Variants in RPS6KA2 observed in about 807,000 individuals in gnomAD.
RPS6KA2 encodes ribosomal protein S6 kinase A2, also known as ribosomal protein S6 kinase alpha-2.
A neutral mutation model predicts 91.8 loss-of-function variants in RPS6KA2; 42 were observed. The observed-to-expected ratio is 0.46, with a 90% CI of 0.36 to 0.59. RPS6KA2 has a LOEUF of 0.59. RPS6KA2 is among the 20% of genes least tolerant of loss of function. The pLI is 0.00. For missense variants in RPS6KA2, 798 were observed against 978.5 expected, an observed-to-expected ratio of 0.82 and a Z score of 2.46; for synonymous variants, 414 against 393.6, an observed-to-expected ratio of 1.05 and a Z score of -0.61.
At chr6:166,702,688 A>C in intron 2 of RPS6KA2, 1 of 1,403,140 alleles carries the variant, frequency 7.1e-7, no homozygotes, top group Non-Finnish European at 1.0e-6. Context: ...AATGGCCTTG[A>C]GGGCCCAGAT....
intron 2 of RPS6KA2, among the ~76,000 whole-genome samples, chr6:166,683,684 A>G (rs187365400): frequency 4.1e-4 from 62 of 152,336 alleles, no homozygotes; most frequent in African/African-American, 1.4e-3. Context: ...AGGCGCAAAT[A>G]TGTCAGAGCA....
intron 2 of RPS6KA2, among the ~76,000 whole-genome samples, chr6:166,718,410 G>A (rs951932299): frequency 1.3e-5 from 2 of 152,134 alleles, no homozygotes; most frequent in Non-Finnish European, 2.9e-5. Flanking sequence ...AATCCATCAG[G>A]AAGGCAGAAA....
At chr6:166,768,101 T>G (rs558244079) in intron 2 of RPS6KA2, among the ~76,000 whole-genome samples, 83 of 152,246 alleles carry the variant, frequency 5.5e-4, no homozygotes, top group Non-Finnish European at 1.1e-3. Flanking sequence ...TGCAGCTCTA[T>G]AAAACAGGGC....
chr6:166,790,397 T>A (rs1779052468), intron 2 of RPS6KA2, among the ~76,000 whole-genome samples: 1 of 152,188 alleles, frequency 6.6e-6, no homozygotes, highest in Non-Finnish European at 1.5e-5. Flanking sequence ...TAGGTGTACC[T>A]GAAAGTGATG....
At chr6:166,531,926 T>C (rs1783291928) in intron 2 of RPS6KA2, among the ~76,000 whole-genome samples, 3 of 152,198 alleles carry the variant, frequency 2.0e-5, no homozygotes, top group Admixed American at 2.0e-4. Flanking sequence ...TTTAAATTTG[T>C]ATTAGTGATT....
intron 2 of RPS6KA2, among the ~76,000 whole-genome samples, chr6:166,846,468 C>G (rs1037650337): frequency 6.6e-6 from 1 of 152,144 alleles, no homozygotes; most frequent in Non-Finnish European, 1.5e-5. Flanking sequence ...CAACAAAATA[C>G]TAGCTAACTG....
chr6:166,853,943 AT>A lies in RPS6KA2; in HGVS notation c.123+4256del, dbSNP rs1455530431. ...AGGGCCTCGCCTGCTCACAGGAGTC[AT>A]TTTGCTTCTAGATTTTTCTTCCACG... On this transcript the variant is annotated intron_variant, in intron 2 of 21. Transcript: ENST00000503859. 1.1e-4 allele frequency among the ~76,000 whole-genome samples: 16 copies of A among 152,318 alleles called. No individual in the cohort carries two copies. The East Asian group carries it at 3.1e-3, about 29-fold the overall frequency.
intron 2 of RPS6KA2, among the ~76,000 whole-genome samples, chr6:166,845,746 C>G (rs1042867253): frequency 2.0e-5 from 3 of 151,694 alleles, no homozygotes; most frequent in African/African-American, 7.3e-5. Context: ...CATTAAATAT[C>G]TACATCAAAA....
rs540853274 is a variant in RPS6KA2, at chr6:166,708,972, T to C, written c.123+149228A>G. Among the ~76,000 whole-genome samples the C allele has an allele frequency of 1.5e-4, 23 of 152,278 alleles. No homozygotes were observed. In the South Asian group the frequency reaches 4.6e-3, roughly 30 times the overall value. ...AACTGGGAGAGATATGAAATAGAAG[T>C]GACACACCGCTCCGTGTTGATATTC... On this transcript the variant is annotated intron_variant, in intron 2 of 21. Coordinates refer to the RPS6KA2 transcript ENST00000503859.
At chr6:166,828,095 C>T (rs2128625429) in intron 2 of RPS6KA2, among the ~76,000 whole-genome samples, 1 of 152,338 alleles carries the variant, frequency 6.6e-6, no homozygotes. Context: ...AGTACAAACC[C>T]ATGGATGAGA....
chr6:166,735,300 G>A (rs1036877753), intron 2 of RPS6KA2, among the ~76,000 whole-genome samples: 2 of 152,144 alleles, frequency 1.3e-5, no homozygotes, highest in African/African-American at 4.8e-5. Flanking sequence ...GAAACAACGT[G>A]AACATCTATA....
intron 2 of RPS6KA2, among the ~76,000 whole-genome samples, chr6:166,725,474 C>G (rs908860250): frequency 6.6e-6 from 1 of 152,260 alleles, no homozygotes; most frequent in African/African-American, 2.4e-5. Context: ...GCCTCCTAGC[C>G]CAGCCCAGCC....
At chr6:166,762,900 C>T (rs1031621507) in intron 2 of RPS6KA2, among the ~76,000 whole-genome samples, 4 of 152,198 alleles carry the variant, frequency 2.6e-5, no homozygotes, top group Admixed American at 2.0e-4. Context: ...GTCAAAGAAA[C>T]GGTTTCACAT....
chr6:166,671,400 G>A (rs1400760719), intron 2 of RPS6KA2, among the ~76,000 whole-genome samples: 1 of 152,116 alleles, frequency 6.6e-6, no homozygotes, highest in Non-Finnish European at 1.5e-5. Context: ...TGGGACTGCT[G>A]GGTCTAAATA....
intron 2 of RPS6KA2, among the ~76,000 whole-genome samples, chr6:166,772,152 G>A (rs1031807086): frequency 2.8e-5 from 4 of 144,668 alleles, no homozygotes; most frequent in African/African-American, 1.2e-4. Flanking sequence ...GCCTATGTGG[G>A]GTTTCTACCC....
chr6:166,593,528 C>G (rs1583309477), intron 1 of RPS6KA2, among the ~76,000 whole-genome samples: 1 of 151,966 alleles, frequency 6.6e-6, no homozygotes, highest in East Asian at 1.9e-4. Flanking sequence ...AGAATGGTAT[C>G]GATTTTTCTT....
chr6:166,552,307 G>C (rs972053650), intron 1 of RPS6KA2, among the ~76,000 whole-genome samples: 1 of 152,170 alleles, frequency 6.6e-6, no homozygotes, highest in Non-Finnish European at 1.5e-5. Context: ...TCAAGGAATC[G>C]ATGAAAACTT....
At chr6:166,615,270 G>A (rs1417645013) in intron 1 of RPS6KA2, among the ~76,000 whole-genome samples, 13 of 152,182 alleles carry the variant, frequency 8.5e-5, no homozygotes, top group Non-Finnish European at 2.9e-5. Context: ...TGCGACTCCC[G>A]CACCACACAC....
chr6:166,497,136 G>T (rs1489745249), intron 8 of RPS6KA2, among the ~76,000 whole-genome samples: 1 of 152,234 alleles, frequency 6.6e-6, no homozygotes, highest in Admixed American at 6.5e-5. Flanking sequence ...TCTCAGAGGG[G>T]TGACCGTGGG....
Sources: allele counts gnomAD v4.1 joint callset (sites outside exome capture counted in the v4.1 genomes callset), GRCh38; gene constraint gnomAD v4.1.1; transcripts MANE v1.5; gene names NCBI Gene and HGNC (gene_info 2026-07-23, HGNC 2026-07-21).